NOX4: variants seen among roughly 807,000 people sequenced by gnomAD.
The protein encoded by NOX4 is kidney oxidase-1.
A neutral mutation model predicts 87.6 loss-of-function variants in NOX4; 69 were observed. That is an observed-to-expected ratio of 0.79 (90% CI 0.65 to 0.96). NOX4 has a LOEUF of 0.96. NOX4 is among the 40% of genes least tolerant of loss of function. The pLI, the probability that NOX4 is intolerant of heterozygous loss-of-function variation, is 0.00. For missense variants in NOX4, 680 were observed against 681.5 expected, an observed-to-expected ratio of 1.00 and a Z score of 0.02; for synonymous variants, 275 against 238.2, an observed-to-expected ratio of 1.15 and a Z score of -1.42.
chr11:89,562,638 T>C, the NOX4 span, among the ~76,000 whole-genome samples: 1 of 152,214 alleles, frequency 6.6e-6, no homozygotes, highest in African/African-American at 2.4e-5. Context: ...TATGAGACTA[T>C]GTATTTGTCA....
In NOX4 at chr11:89,325,559, A is replaced by C. The variant is rs1945189038; in HGVS notation, c.*1197T>G. ...TCCCTATGGAAACTCAGGATACCAA[A>C]AAGTGCGACAGTAATATTCTGGATT... is the stretch of plus-strand genomic sequence containing the variant. On this transcript the variant is annotated 3_prime_UTR_variant, in exon 18 of 18. Transcript: ENST00000263317. 6.6e-6 allele frequency: 1 copy of C among 152,184 alleles called. No homozygotes were observed. Among genetic ancestry groups the C allele is most frequent in the Admixed American group, 6.5e-5 (1 of 15,280 alleles). The allele number at this position is 152,184 out of a possible 1,614,324, so 9.4% of individuals were successfully genotyped here. A position where few individuals can be genotyped will look rare whatever the true frequency, so the allele number is the denominator to read the frequency against.
chr11:89,473,475 A>T (rs2135449572), intron 2 of NOX4, among the ~76,000 whole-genome samples: 1 of 151,770 alleles, frequency 6.6e-6, no homozygotes, highest in African/African-American at 2.4e-5. Context: ...AAAAAAAAAA[A>T]TGAGAGAAAA....
chr11:89,508,179 A>G, the NOX4 span, among the ~76,000 whole-genome samples: 1 of 152,104 alleles, frequency 6.6e-6, no homozygotes, highest in East Asian at 1.9e-4. Context: ...ATACTGGTTT[A>G]TAGGCTACCT....
At chr11:89,362,466 C>A (rs1938605531) in intron 12 of NOX4, among the ~76,000 whole-genome samples, 1 of 152,058 alleles carries the variant, frequency 6.6e-6, no homozygotes, top group African/African-American at 2.4e-5. Context: ...TCATGCCCAC[C>A]TTGACTCTAT....
intron 17 of NOX4, among the ~76,000 whole-genome samples, chr11:89,334,728 G>A (rs1173052206): frequency 6.6e-6 from 1 of 151,536 alleles, no homozygotes; most frequent in Non-Finnish European, 1.5e-5. Context: ...GATAACTCAA[G>A]CCAGAAGTAA....
chr11:89,437,366 T>C (rs908106817), intron 6 of NOX4, among the ~76,000 whole-genome samples: 3 of 152,142 alleles, frequency 2.0e-5, no homozygotes, highest in African/African-American at 7.2e-5. Flanking sequence ...ATTCAGTTCA[T>C]TGATAGAAAA....
intron 15 of NOX4, among the ~76,000 whole-genome samples, chr11:89,337,928 G>C (rs1945788232): frequency 6.6e-6 from 1 of 151,956 alleles, no homozygotes; most frequent in Non-Finnish European, 1.5e-5. Context: ...ATTTATGCAT[G>C]CTAGCAAATA....
At chr11:89,350,294 T>C (rs1175352170) in intron 13 of NOX4, among the ~76,000 whole-genome samples, 2 of 152,224 alleles carry the variant, frequency 1.3e-5, no homozygotes, top group Non-Finnish European at 2.9e-5. Context: ...TTTAAACATA[T>C]ACATACATAC....
At chr11:89,537,100 G>A in the NOX4 span, among the ~76,000 whole-genome samples, 1 of 152,180 alleles carries the variant, frequency 6.6e-6, no homozygotes, top group African/African-American at 2.4e-5. Context: ...CATATCCAGA[G>A]CCAAGGAGAG....
intron 17 of NOX4, among the ~76,000 whole-genome samples, chr11:89,335,145 A>T (rs1253450161): frequency 6.6e-6 from 1 of 151,752 alleles, no homozygotes; most frequent in Non-Finnish European, 1.5e-5. Context: ...ACCTAAAAAT[A>T]CGTGAGTGGT....
At chr11:89,341,622 T>C (rs1946006573) in intron 14 of NOX4, among the ~76,000 whole-genome samples, 2 of 152,218 alleles carry the variant, frequency 1.3e-5, no homozygotes, top group African/African-American at 4.8e-5. Context: ...TATTTACATT[T>C]CTCATTGCTT....
chr11:89,555,482 TC>T, the NOX4 span, among the ~76,000 whole-genome samples: 2 of 151,508 alleles, frequency 1.3e-5, no homozygotes, highest in Non-Finnish European at 2.9e-5. Context: ...AGAATTTGTT[TC>T]AAAAAAAAAA....
At chr11:89,554,668 T>C in the NOX4 span, among the ~76,000 whole-genome samples, 2 of 152,166 alleles carry the variant, frequency 1.3e-5, no homozygotes, top group Non-Finnish European at 2.9e-5. Context: ...ATTAAATATC[T>C]TTCTAAATCT....
intron 12 of NOX4, among the ~76,000 whole-genome samples, chr11:89,366,512 C>T (rs1474972253): frequency 6.6e-6 from 1 of 151,692 alleles, no homozygotes; most frequent in Non-Finnish European, 1.5e-5. Flanking sequence ...CCTGCCTCTA[C>T]AAAAAATATA....
chr11:89,403,509 G>A (rs557729531), intron 8 of NOX4, among the ~76,000 whole-genome samples: 39 of 152,150 alleles, frequency 2.6e-4, no homozygotes, highest in African/African-American at 8.9e-4. Context: ...CTTAATTTTA[G>A]TAGTTTAATT....
the NOX4 span, chr11:89,577,291 T>A: frequency 6.6e-6 from 1 of 152,188 alleles, no homozygotes; most frequent in African/African-American, 2.4e-5. Context: ...AATGATGATA[T>A]ATAAGATAGA....
chr11:89,331,183 A>G (rs1390853477), intron 17 of NOX4, among the ~76,000 whole-genome samples: 3 of 152,020 alleles, frequency 2.0e-5, no homozygotes, highest in Non-Finnish European at 4.4e-5. Context: ...TAAGAACAAA[A>G]AGATATCTGG....
At chr11:89,568,735 G>A in the NOX4 span, among the ~76,000 whole-genome samples, 5 of 152,172 alleles carry the variant, frequency 3.3e-5, no homozygotes, top group African/African-American at 9.6e-5. Flanking sequence ...ACAATCCTAA[G>A]CAAAAAGAAC....
At chr11:89,571,906 T>C in the NOX4 span, among the ~76,000 whole-genome samples, 2 of 152,120 alleles carry the variant, frequency 1.3e-5, no homozygotes, top group African/African-American at 2.4e-5. Context: ...CTGAGACAAA[T>C]GCATGTCTGA....
Sources: gnomAD v4.1 joint callset for allele counts (sites outside exome capture counted in the v4.1 genomes callset) on GRCh38, gnomAD v4.1.1 for gene constraint, MANE v1.5 for transcripts, NCBI Gene and HGNC (gene_info 2026-07-23, HGNC 2026-07-21) for gene names.